SURF4: variants seen among roughly 807,000 people sequenced by gnomAD.
The protein encoded by SURF4 is surfeit locus protein 4.
In SURF4, 3 loss-of-function variants were observed where a neutral mutation model predicts 30.0. The observed-to-expected ratio is 0.10, with a 90% CI of 0.05 to 0.26. SURF4 has a LOEUF of 0.26. Among genes scored for constraint, SURF4 ranks in the 10% least tolerant of loss-of-function variants. The pLI is 1.00. For missense variants in SURF4, 217 were observed against 350.8 expected (o/e 0.62, Z 3.05); for synonymous variants, 143 against 139.9 (o/e 1.02, Z -0.16).
intron 1 of SURF4, among the ~76,000 whole-genome samples, chr9:133,374,304 G>C (rs1837714767): frequency 6.6e-6 from 1 of 152,078 alleles, no homozygotes; most frequent in Admixed American, 6.5e-5. Flanking sequence ...TGTAATCCCA[G>C]CACTTTGGGA....
chr9:133,373,823 CAGG>C (rs1430321574), intron 1 of SURF4, among the ~76,000 whole-genome samples: 2 of 139,208 alleles, frequency 1.4e-5, no homozygotes. Flanking sequence ...CGGGCTGAGG[CAGG>C]AGAATTGCTT....
chr9:133,363,910 A>G lies in SURF4; in HGVS notation c.544-151T>C, dbSNP rs2130096449. ...GACGGCTGCTGGTGCAAGTAGGGAG[A>G]TAAAAGCCAAAGGGAGGCAGGAGGC... On this transcript the variant is annotated intron_variant, in intron 5 of 5. Coordinates refer to ENST00000371989, the MANE Select transcript of SURF4 (RefSeq NM_033161.4). This position sits in a 1 kb window ranked among gnomAD's most constrained non-coding sequence, Gnocchi z 4.3. 8.2e-6 allele frequency: 8 copies of G among 979,786 alleles called. No individual in the cohort carries two copies. In the Admixed American group the frequency reaches 9.9e-5, roughly 12 times the overall value. 60.7% of individuals were successfully genotyped at this position (979,786 alleles called of 1,614,324 possible).
chr9:133,367,280 G>C lies in SURF4; in HGVS notation c.214C>G (p.Leu72Val). The change falls in exon 2 of 6, where the codon CTC becomes GTC. Residue 72 changes from leucine to valine, a missense_variant. Coordinates refer to ENST00000371989, the MANE Select transcript of SURF4 (RefSeq NM_033161.4). ...GYLLASSFVF[L>V]NLLGQLTGCV... ...TCACTCAGCTGTCCCAGCAAGTTGA[G>C]GAAGACGAAGGACGAGGCCAGCAGG... The C allele has an allele frequency of 6.2e-7, 1 of 1,614,170 alleles. No homozygotes were observed.
intron 1 of SURF4, among the ~76,000 whole-genome samples, chr9:133,370,436 G>A (rs1418431886): frequency 6.6e-6 from 1 of 152,192 alleles, no homozygotes; most frequent in Non-Finnish European, 1.5e-5. Flanking sequence ...GCTGAAGTCA[G>A]GCTGATGCAG....
In SURF4 at chr9:133,364,951, G is replaced by A. The variant is rs2130111950; in HGVS notation, c.432C>T (p.Gly144=). 8.7e-6 allele frequency: 14 copies of A among 1,612,888 alleles called. No homozygotes were observed. Among genetic ancestry groups the A allele is most frequent in the Middle Eastern group, 1.6e-4 (1 of 6,082 alleles). Residue 144 remains glycine, a synonymous_variant, in exon 5 of 6, where the codon GGC becomes GGT. Coordinates refer to ENST00000371989, the MANE Select transcript of SURF4 (RefSeq NM_033161.4). ...GGGAGCTCTCACGCATGGTGGGGACGCCCGCAAACATGCTCTTCCCTTCAG... is the reference window on the plus strand; with the variant it reads ...GGGAGCTCTCACGCATGGTGGGGACACCCGCAAACATGCTCTTCCCTTCAG... The part of the protein sequence containing the change: ...SRSEGKSMFA[G]VPTMRESSPK...
upstream of SURF4, chr9:133,376,181 C>T: frequency 2.4e-6 from 3 of 1,244,324 alleles, no homozygotes; most frequent in Non-Finnish European, 3.0e-6. Context: ...GGGCCACGCG[C>T]CATCCCCAGC....
At chr9:133,374,001 G>GC (rs1174953876) in intron 1 of SURF4, among the ~76,000 whole-genome samples, 19 of 150,130 alleles carry the variant, frequency 1.3e-4, no homozygotes, top group Non-Finnish European at 7.4e-5. Context: ...TCTGTCATTT[G>GC]CTAGTGGGCA....
chr9:133,368,545 G>A (rs2130160301), intron 1 of SURF4, among the ~76,000 whole-genome samples: 1,880 of 152,296 alleles, frequency 0.012, 30 homozygotes, highest in African/African-American at 0.036. Context: ...GCATAATCTC[G>A]AGCAAATTAA....
intron 1 of SURF4, chr9:133,372,763 G>T: frequency 5.3e-6 from 2 of 380,352 alleles, no homozygotes; most frequent in South Asian, 1.1e-4. Flanking sequence ...TGGTCTGGCA[G>T]CTTTAAGTAC....
At chr9:133,377,605 G>A (rs1838020114), upstream of SURF4, among the ~76,000 whole-genome samples, 1 of 152,162 alleles carries the variant, frequency 6.6e-6, no homozygotes, top group Non-Finnish European at 1.5e-5. Flanking sequence ...AGAGGTTGTG[G>A]TGAGCCAAGA....
At chr9:133,373,909 C>CAAAAAAAAAAAAAAAAAAAAAAAAAAA (rs71824689) in intron 1 of SURF4, among the ~76,000 whole-genome samples, 6 of 47,562 alleles carry the variant, frequency 1.3e-4, no homozygotes, top group African/African-American at 1.6e-4. Context: ...AATTCTGTCT[C>CAAAAAAAAAAAAAAAAAAAAAAAAAAA]AAAAAAAAAA....
At chr9:133,373,616 A>G (rs1452676933) in intron 1 of SURF4, among the ~76,000 whole-genome samples, 2 of 151,640 alleles carry the variant, frequency 1.3e-5, no homozygotes, top group African/African-American at 2.4e-5. Flanking sequence ...AAAAAACATA[A>G]TAACAAAACA....
At chr9:133,367,469 G>C (rs1588711646) in intron 1 of SURF4, 24 bp from the exon 2 acceptor site, 9 of 1,611,574 alleles carry the variant, frequency 5.6e-6, no homozygotes, top group Non-Finnish European at 7.6e-6. Context: ...GAAACCCAAG[G>C]GTGAGGTGGC....
intron 1 of SURF4, 98 bp downstream of exon 1, chr9:133,375,824 G>T: frequency 1.7e-6 from 2 of 1,157,808 alleles, no homozygotes; most frequent in Non-Finnish European, 2.2e-6. Flanking sequence ...GTCAGGGGGC[G>T]GCCCGGGCCT....
Position 133,376,042 on chromosome 9 carries a change from T to G in SURF4, c.-73A>C, listed in dbSNP as rs1837907709. The G allele has an allele frequency of 3.4e-6, 4 of 1,188,650 alleles. No homozygotes were observed. The South Asian group carries it at 1.7e-4, about 50-fold the overall frequency. The allele number at this position is 1,188,650 out of a possible 1,614,324, so 73.6% of individuals were successfully genotyped here. A position where few individuals can be genotyped will look rare whatever the true frequency, so the allele number is the denominator to read the frequency against. On this transcript the variant is annotated 5_prime_UTR_variant, in exon 1 of 6. Coordinates refer to ENST00000371989, the MANE Select transcript of SURF4 (RefSeq NM_033161.4). The stretch of plus-strand genomic sequence containing the variant: ...CTCGCCCGTCGGCGCCCGCACCCGC[T>G]GCGGCCTCCACAGGAAGTGCCCGGC...
At chr9:133,375,240 T>G (rs1837813071) in intron 1 of SURF4, 15 of 985,488 alleles carry the variant, frequency 1.5e-5, no homozygotes, top group East Asian at 1.1e-4. Context: ...GAATGCCACC[T>G]GGACACTTCT....
In SURF4 at chr9:133,365,990, CA is replaced by C. The variant is rs1359559621; in HGVS notation, c.350del (p.Leu117Ter). 6.2e-7 allele frequency: 1 copy of C among 1,613,890 alleles called. No homozygotes were observed. The highest frequency in any genetic ancestry group is 2.2e-5 in the East Asian group (1 of 44,892). On this transcript the variant is annotated frameshift_variant, in exon 4 of 6. Coordinates refer to ENST00000371989, the MANE Select transcript of SURF4 (RefSeq NM_033161.4). LOFTEE classifies it high-confidence loss of function. Reference protein sequence around the residue: ...AYSILWDLKFLMRNLALGGGL... With the variant: ...AYSILWDLKFXMRNLALGGGL... ...ACCAACCAGAATGCACATACCTCAT[CA>C]AAAACTTCAAGTCCCATAAAATGCT...
chr9:133,376,515 G>A (rs2130248737), upstream of SURF4: 4 of 1,601,522 alleles, frequency 2.5e-6, 1 homozygote, highest in Middle Eastern at 3.3e-4. Flanking sequence ...CCACGCAGGG[G>A]GAGCGAGGCC....
At chr9:133,366,088 A>C in intron 3 of SURF4, 60 bp from the exon 4 acceptor site, 2 of 1,514,894 alleles carry the variant, frequency 1.3e-6, no homozygotes, top group Admixed American at 1.7e-5. Context: ...ATTTCCACAG[A>C]CTTCATAATA....
Sources: gnomAD v4.1 joint callset for allele counts (sites outside exome capture counted in the v4.1 genomes callset) on GRCh38, gnomAD v4.1.1 for gene constraint, Gnocchi (gnomAD v3.1) non-coding constraint, MANE v1.5 for transcripts, NCBI Gene and HGNC (gene_info 2026-07-23, HGNC 2026-07-21) for gene names.